The following LGSN variants were observed in gnomAD, a reference collection of about 807,000 sequenced individuals.
The protein encoded by LGSN is lengsin.
In LGSN, 21 loss-of-function variants were observed where a neutral mutation model predicts 19.5. The ratio of observed to expected loss-of-function variants is 1.07; its 90% CI spans 0.76 to 1.55. The LOEUF is 1.55. Among genes scored for constraint, LGSN ranks in the 40% most tolerant of loss-of-function variants. The pLI, the probability that LGSN is intolerant of heterozygous loss-of-function variation, is 0.00. For missense variants in LGSN, 673 were observed against 608.5 expected, an observed-to-expected ratio of 1.11 and a Z score of -1.12; for synonymous variants, 257 against 215.6, an observed-to-expected ratio of 1.19 and a Z score of -1.68.
At chr6:63,334,548 C>A in the LGSN span, among the ~76,000 whole-genome samples, 1 of 152,290 alleles carries the variant, frequency 6.6e-6, no homozygotes, top group African/African-American at 2.4e-5. Flanking sequence ...AAGCAATCTA[C>A]ATATTCAATG....
chr6:63,526,420 C>A, the LGSN span, among the ~76,000 whole-genome samples: 1 of 152,044 alleles, frequency 6.6e-6, no homozygotes, highest in Non-Finnish European at 1.5e-5. Context: ...ATGAAGAATT[C>A]TTACATAATC....
chr6:63,319,128 G>A (rs1394943457), intron 1 of LGSN, among the ~76,000 whole-genome samples: 1 of 152,106 alleles, frequency 6.6e-6, no homozygotes, highest in Non-Finnish European at 1.5e-5. Flanking sequence ...ACAGATCAGT[G>A]AACCCATTCT....
chr6:63,341,990 A>G, the LGSN span, among the ~76,000 whole-genome samples: 1 of 152,196 alleles, frequency 6.6e-6, no homozygotes, highest in Non-Finnish European at 1.5e-5. Flanking sequence ...GATGGTGAAG[A>G]TTTCATTTTA....
At chr6:63,287,021 T>C (rs1281960797) in intron 2 of LGSN, among the ~76,000 whole-genome samples, 1 of 152,192 alleles carries the variant, frequency 6.6e-6, no homozygotes, top group Non-Finnish European at 1.5e-5. Flanking sequence ...ATCATTGATG[T>C]TGAGCAGCTA....
chr6:63,548,815 C>T, the LGSN span: 1 of 745,498 alleles, frequency 1.3e-6, no homozygotes, highest in Non-Finnish European at 2.4e-6. Flanking sequence ...CGGCGGATCT[C>T]ATTGTATCTG....
the LGSN span, among the ~76,000 whole-genome samples, chr6:63,328,202 ATCCCATTT>A: frequency 5.8e-4 from 88 of 152,222 alleles, no homozygotes; most frequent in African/African-American, 2.1e-3. Context: ...TGCCCTTCAT[ATCCCATTT>A]TCCACAAATG....
the LGSN span, among the ~76,000 whole-genome samples, chr6:63,536,776 T>C: frequency 2.6e-5 from 4 of 152,150 alleles, no homozygotes; most frequent in African/African-American, 9.6e-5. Flanking sequence ...AGAAAAGGTT[T>C]TATTATATTA....
the LGSN span, among the ~76,000 whole-genome samples, chr6:63,447,948 C>A: frequency 3.7e-4 from 57 of 152,240 alleles, no homozygotes; most frequent in African/African-American, 1.3e-3. Context: ...TGCCATCCTA[C>A]AAGAAACTCA....
the LGSN span, among the ~76,000 whole-genome samples, chr6:63,328,492 A>C: frequency 6.6e-6 from 1 of 152,100 alleles, no homozygotes; most frequent in South Asian, 2.1e-4. Flanking sequence ...CATCATGAGT[A>C]CTCCAGACAG....
the LGSN span, among the ~76,000 whole-genome samples, chr6:63,472,139 C>T: frequency 1.3e-5 from 2 of 152,210 alleles, no homozygotes; most frequent in Non-Finnish European, 2.9e-5. Context: ...ATAGTGCACA[C>T]ACTTGCTGAT....
At chr6:63,511,205 G>A in the LGSN span, among the ~76,000 whole-genome samples, 1 of 150,432 alleles carries the variant, frequency 6.6e-6, no homozygotes, top group African/African-American at 2.4e-5. Context: ...TACAAATCCT[G>A]ATCCCTACTC....
At chr6:63,542,022 G>GGTGTGTGTGTGTGTGTGT in the LGSN span, among the ~76,000 whole-genome samples, 15 of 146,728 alleles carry the variant, frequency 1.0e-4, no homozygotes, top group African/African-American at 3.6e-4. Flanking sequence ...AAGAAACTGT[G>GGTGTGTGTGTGTGTGTGT]GTGTGTGTGT....
chr6:63,436,268 A>G, the LGSN span, among the ~76,000 whole-genome samples: 19 of 152,170 alleles, frequency 1.2e-4, 1 homozygote, highest in South Asian at 3.9e-3. Context: ...CAGCCCGGCT[A>G]ATTTTTGTAT....
At chr6:63,406,615 G>C in the LGSN span, among the ~76,000 whole-genome samples, 24 of 151,348 alleles carry the variant, frequency 1.6e-4, no homozygotes, top group Admixed American at 1.1e-3. Context: ...ACAATTAAAA[G>C]AACTAGAAAA....
chr6:63,508,991 T>A, the LGSN span, among the ~76,000 whole-genome samples: 1 of 151,764 alleles, frequency 6.6e-6, no homozygotes, highest in South Asian at 2.1e-4. Context: ...GGTGTTCACC[T>A]TATAATAATT....
the LGSN span, chr6:63,397,172 T>A: frequency 1.3e-5 from 2 of 152,214 alleles, no homozygotes; most frequent in African/African-American, 4.8e-5. Context: ...CAGAGCTCAA[T>A]CCTCTTATCT....
the LGSN span, among the ~76,000 whole-genome samples, chr6:63,368,585 T>TC: frequency 6.6e-6 from 1 of 152,062 alleles, no homozygotes; most frequent in African/African-American, 2.4e-5. Context: ...TTAACGCTCC[T>TC]CCCCCCACTC....
At chr6:63,501,522 A>G in the LGSN span, among the ~76,000 whole-genome samples, 1 of 151,900 alleles carries the variant, frequency 6.6e-6, no homozygotes, top group East Asian at 1.9e-4. Flanking sequence ...ATAAAAACAA[A>G]CTGCATCCTT....
the LGSN span, among the ~76,000 whole-genome samples, chr6:63,476,795 G>A: frequency 9.2e-5 from 14 of 152,290 alleles, no homozygotes; most frequent in African/African-American, 3.4e-4. Flanking sequence ...CAAGGAAATC[G>A]CTATGACTAG....
Sources: gnomAD v4.1 joint callset for allele counts (sites outside exome capture counted in the v4.1 genomes callset) on GRCh38, gnomAD v4.1.1 for gene constraint, MANE v1.5 for transcripts, NCBI Gene and HGNC (gene_info 2026-07-23, HGNC 2026-07-21) for gene names.